MOSMO: variants seen among roughly 807,000 people sequenced by gnomAD.
MOSMO encodes modulator of smoothened protein.
In MOSMO, 5 loss-of-function variants were observed where a neutral mutation model predicts 18.4. The observed-to-expected ratio is 0.27, with a 90% CI of 0.14 to 0.57. The LOEUF (loss-of-function observed/expected upper bound fraction) is 0.57. Ranked by LOEUF, MOSMO falls within the 20% of genes least tolerant of loss-of-function variation. MOSMO has a pLI of 0.92. For synonymous variants in MOSMO, 82 were observed against 82.3 expected (o/e 1.00, Z 0.02); for missense variants, 138 against 211.8 (o/e 0.65, Z 2.16).
At chr16:22,032,315 G>A (rs1246721463) in intron 1 of MOSMO, among the ~76,000 whole-genome samples, 3 of 151,074 alleles carry the variant, frequency 2.0e-5, no homozygotes, top group East Asian at 1.9e-4. Flanking sequence ...TTAAGCCTCC[G>A]GAGTAGGTGG....
At chr16:22,059,508 T>C (rs953889842) in intron 1 of MOSMO, among the ~76,000 whole-genome samples, 1 of 152,122 alleles carries the variant, frequency 6.6e-6, no homozygotes, top group African/African-American at 2.4e-5. Flanking sequence ...TGAGACTGGG[T>C]AATTTATAAA....
intron 1 of MOSMO, among the ~76,000 whole-genome samples, chr16:22,026,729 C>T (rs1464422387): frequency 6.6e-6 from 1 of 152,138 alleles, no homozygotes; most frequent in Non-Finnish European, 1.5e-5. Context: ...AGCAATAAAA[C>T]TAGGACATAA....
intron 1 of MOSMO, among the ~76,000 whole-genome samples, chr16:22,025,967 C>T (rs1311195081): frequency 2.0e-5 from 3 of 152,060 alleles, no homozygotes; most frequent in East Asian, 1.9e-4. Context: ...CATTTGAACC[C>T]CCTTTTTTCA....
chr16:22,065,247 G>T (rs1332120654), intron 1 of MOSMO, among the ~76,000 whole-genome samples: 1 of 152,094 alleles, frequency 6.6e-6, no homozygotes, highest in Non-Finnish European at 1.5e-5. Flanking sequence ...TTTTAAATCG[G>T]GATAGAGGGA....
At chr16:22,047,374 A>G (rs568190584) in intron 1 of MOSMO, among the ~76,000 whole-genome samples, 1 of 151,140 alleles carries the variant, frequency 6.6e-6, no homozygotes, top group East Asian at 2.0e-4. Flanking sequence ...CCTCCGGAGT[A>G]GCTGGGACTA....
chr16:22,031,717 A>G (rs886769418), intron 1 of MOSMO, among the ~76,000 whole-genome samples: 5 of 152,194 alleles, frequency 3.3e-5, no homozygotes, highest in African/African-American at 1.2e-4. Context: ...ATGATATTTC[A>G]TTGTATAGAT....
At chr16:22,088,354 A>G (rs532313200), downstream of MOSMO, among the ~76,000 whole-genome samples, 2 of 152,168 alleles carry the variant, frequency 1.3e-5, no homozygotes, top group Non-Finnish European at 2.9e-5. Context: ...TTTCTGTGTC[A>G]GTAAATATAG....
chr16:22,061,065 A>G (rs1419743516), intron 1 of MOSMO, among the ~76,000 whole-genome samples: 2 of 152,160 alleles, frequency 1.3e-5, no homozygotes, highest in Non-Finnish European at 2.9e-5. Context: ...ATGATTGCAT[A>G]TGATTTCATT....
At chr16:22,087,156 T>C (rs958629818), downstream of MOSMO, 3 of 152,216 alleles carry the variant, frequency 2.0e-5, no homozygotes, top group Admixed American at 2.0e-4. Context: ...ACCCCGTTTA[T>C]CCTGAGTGAA....
chr16:22,017,894 C>T (rs1899673830), intron 1 of MOSMO, among the ~76,000 whole-genome samples: 1 of 152,034 alleles, frequency 6.6e-6, no homozygotes, highest in Admixed American at 6.6e-5. Context: ...AAAAAAAGAG[C>T]ATTTGGGTTT....
At chr16:22,040,980 G>A (rs1240105556) in intron 1 of MOSMO, among the ~76,000 whole-genome samples, 1 of 151,740 alleles carries the variant, frequency 6.6e-6, no homozygotes, top group Non-Finnish European at 1.5e-5. Flanking sequence ...ACAAACAAAC[G>A]AACAAACAAA....
intron 1 of MOSMO, among the ~76,000 whole-genome samples, chr16:22,024,481 C>CAAAA (rs1899835053): frequency 6.6e-6 from 1 of 151,878 alleles, no homozygotes; most frequent in African/African-American, 2.4e-5. Flanking sequence ...TCTCCTGCCT[C>CAAAA]AGCCTCCTGA....
Position 22,056,138 on chromosome 16 carries a change from G to A in MOSMO, c.107-19349G>A, listed in dbSNP as rs144029669. Among the ~76,000 whole-genome samples, 57 of 152,272 alleles carry A rather than the reference G, an allele frequency of 3.7e-4. 1 individual carries two copies. The East Asian group carries it at 7.7e-3, about 21-fold the overall frequency. The stretch of plus-strand genomic sequence containing the variant: ...TCCTGCTTTCAGAGAGGTGGCAAAA[G>A]TAAGCCTGGATACCCTGTGCTAGAC... On this transcript the variant is annotated intron_variant, in intron 1 of 2. Transcript: ENST00000542527.
chr16:22,047,596 T>C (rs183489391), intron 1 of MOSMO, among the ~76,000 whole-genome samples: 4 of 152,294 alleles, frequency 2.6e-5, no homozygotes, highest in Non-Finnish European at 5.9e-5. Context: ...GTAATAGTGC[T>C]ATTATAAGTA....
chr16:22,080,837 T>C lies in MOSMO; in HGVS notation c.461T>C (p.Ile154Thr). The C allele has an allele frequency of 1.4e-6, 2 of 1,446,904 alleles. No individual in the cohort carries two copies. The highest frequency in any genetic ancestry group is 1.4e-5 in the South Asian group (1 of 68,988). 89.6% of individuals were successfully genotyped at this position (1,446,904 alleles called of 1,614,324 possible). A position where few individuals can be genotyped will look rare whatever the true frequency, so the allele number is the denominator to read the frequency against. Residue 154 changes from isoleucine (I) to threonine (T), a missense_variant, in exon 3 of 3, where the codon ATA (isoleucine) becomes ACA (threonine). Ile to Thr is a moderately conservative substitution (Grantham distance 89). Coordinates refer to ENST00000542527, the MANE Select transcript of MOSMO (RefSeq NM_001164579.2). Reference protein sequence around the residue: ...VLFVLSIFFTIVGLLFAGKVC... With the variant: ...VLFVLSIFFTTVGLLFAGKVC... ...TTTGTCTTATCAATTTTCTTTACAA[T>C]AGTAGGACTTCTATTTGCTGGCAAA...
At chr16:22,077,243 A>G (rs942642428) in intron 2 of MOSMO, among the ~76,000 whole-genome samples, 2 of 152,204 alleles carry the variant, frequency 1.3e-5, no homozygotes, top group African/African-American at 2.4e-5. Flanking sequence ...TCGAAACGTT[A>G]TATGCTCTCA....
At chr16:22,050,445 G>A (rs984831467) in intron 1 of MOSMO, among the ~76,000 whole-genome samples, 1 of 152,124 alleles carries the variant, frequency 6.6e-6, no homozygotes, top group Non-Finnish European at 1.5e-5. Context: ...ATCTCCCAGG[G>A]ACATTTGACA....
At chr16:22,013,879 T>G (rs1004416343) in intron 1 of MOSMO, among the ~76,000 whole-genome samples, 2 of 145,256 alleles carry the variant, frequency 1.4e-5, no homozygotes, top group East Asian at 2.3e-4. Context: ...ATGTTACTGT[T>G]TGGGGGGGGG....
chr16:22,027,156 G>A (rs574247735), intron 1 of MOSMO, among the ~76,000 whole-genome samples: 1 of 152,296 alleles, frequency 6.6e-6, no homozygotes, highest in South Asian at 2.1e-4. Context: ...TCACTAGTAA[G>A]AATGCAAAAC....
Sources: gnomAD v4.1 joint callset for allele counts (sites outside exome capture counted in the v4.1 genomes callset) on GRCh38, gnomAD v4.1.1 for gene constraint, MANE v1.5 for transcripts, NCBI Gene and HGNC (gene_info 2026-07-23, HGNC 2026-07-21) for gene names.